The following SAMD12 variants were observed in gnomAD, a reference collection of about 807,000 sequenced individuals.
SAMD12 encodes sterile alpha motif domain containing 12, also known as sterile alpha motif domain-containing protein 12.
A neutral mutation model predicts 15.0 loss-of-function variants in SAMD12; 9 were observed. That is an observed-to-expected ratio of 0.60 (90% confidence interval 0.36 to 1.05). SAMD12 has a LOEUF of 1.05. SAMD12 is among the 50% of genes least tolerant of loss of function. The pLI is 0.01. For missense variants in SAMD12, 230 were observed against 234.2 expected (o/e 0.98, Z 0.12); for synonymous variants, 86 against 90.1 (o/e 0.96, Z 0.25).
intron 3 of SAMD12, among the ~76,000 whole-genome samples, chr8:118,404,611 A>C (rs73311715): frequency 0.073 from 11,070 of 152,206 alleles, 1,332 homozygotes; most frequent in African/African-American, 0.25. Context: ...TGGCATACAA[A>C]CATTAATGCC....
At chr8:118,557,821 G>T (rs1003563575) in intron 2 of SAMD12, among the ~76,000 whole-genome samples, 2 of 152,046 alleles carry the variant, frequency 1.3e-5, no homozygotes. Flanking sequence ...ATTTTAGCAT[G>T]TTCCTGTAAC....
chr8:118,354,409 TTTCC>T (rs1818120998), intron 4 of SAMD12, among the ~76,000 whole-genome samples: 1 of 152,122 alleles, frequency 6.6e-6, no homozygotes, highest in East Asian at 1.9e-4. Flanking sequence ...CCATATACCT[TTTCC>T]TTCCTCCCAG....
chr8:118,209,225 C>A (rs112657201), intron 4 of SAMD12, among the ~76,000 whole-genome samples: 82 of 152,134 alleles, frequency 5.4e-4, no homozygotes, highest in African/African-American at 2.0e-3. Context: ...CCAGACATTC[C>A]AGAAAAGTTT....
intron 2 of SAMD12, among the ~76,000 whole-genome samples, chr8:118,568,615 T>A (rs946303599): frequency 1.1e-4 from 17 of 152,138 alleles, no homozygotes; most frequent in African/African-American, 1.9e-4. Context: ...TTTGAGAATT[T>A]AAAAAAATCA....
intron 4 of SAMD12, among the ~76,000 whole-genome samples, chr8:118,342,286 T>A (rs1184934449): frequency 1.1e-5 from 1 of 92,532 alleles, no homozygotes; most frequent in East Asian, 4.0e-4. Flanking sequence ...AGAGCAAGAC[T>A]TTGTCTCAAA....
At chr8:118,215,059 GA>G (rs1243035923) in intron 4 of SAMD12, among the ~76,000 whole-genome samples, 22 of 152,088 alleles carry the variant, frequency 1.4e-4, no homozygotes, top group East Asian at 3.8e-4. Flanking sequence ...ATATAGACAT[GA>G]AAAAATATAT....
At chr8:118,570,918 C>T (rs1310472490) in intron 2 of SAMD12, among the ~76,000 whole-genome samples, 1 of 152,190 alleles carries the variant, frequency 6.6e-6, no homozygotes, top group Non-Finnish European at 1.5e-5. Flanking sequence ...CCTGCACAAG[C>T]TCTCTTTGCC....
intron 2 of SAMD12, among the ~76,000 whole-genome samples, chr8:118,451,240 T>C (rs542645344): frequency 1.6e-4 from 25 of 152,298 alleles, no homozygotes; most frequent in Admixed American, 8.5e-4. Context: ...GAGAGAACAA[T>C]ATGGATTAGA....
At chr8:118,595,764 T>C (rs1001156376) in intron 1 of SAMD12, among the ~76,000 whole-genome samples, 10 of 152,220 alleles carry the variant, frequency 6.6e-5, no homozygotes, top group African/African-American at 2.2e-4. Flanking sequence ...ATCTCTCCAT[T>C]TGACTATTAA....
chr8:118,491,681 T>C (rs1205243090), intron 2 of SAMD12, among the ~76,000 whole-genome samples: 1 of 152,134 alleles, frequency 6.6e-6, no homozygotes. Flanking sequence ...TTGTATATCA[T>C]ATAAATGGAA....
At chr8:118,441,014 A>C (rs1822743869) in intron 2 of SAMD12, among the ~76,000 whole-genome samples, 1 of 152,090 alleles carries the variant, frequency 6.6e-6, no homozygotes, top group Non-Finnish European at 1.5e-5. Context: ...CCATACGCAT[A>C]ATTTCCTTCC....
chr8:118,513,366 G>A (rs765617817), intron 2 of SAMD12, among the ~76,000 whole-genome samples: 1 of 152,158 alleles, frequency 6.6e-6, no homozygotes, highest in African/African-American at 2.4e-5. Context: ...AAAGTTAGAG[G>A]ATGCAGGAAA....
intron 1 of SAMD12, among the ~76,000 whole-genome samples, chr8:118,615,461 C>T (rs1260977511): frequency 6.6e-6 from 1 of 152,158 alleles, no homozygotes; most frequent in Non-Finnish European, 1.5e-5. Context: ...ACTACACTCC[C>T]CACCACATCT....
At chr8:118,458,950 A>G (rs202084568) in intron 2 of SAMD12, among the ~76,000 whole-genome samples, 35 of 149,376 alleles carry the variant, frequency 2.3e-4, no homozygotes, top group African/African-American at 6.4e-4. Context: ...TCAGCTATAT[A>G]TGTGTGTGTG....
chr8:118,201,967 C>T (rs1010497568), intron 4 of SAMD12, among the ~76,000 whole-genome samples: 2 of 152,198 alleles, frequency 1.3e-5, no homozygotes, highest in African/African-American at 4.8e-5. Flanking sequence ...GCACTGGAGT[C>T]TAGTGGTCAG....
chr8:118,355,321 G>A (rs1818178510), intron 4 of SAMD12, among the ~76,000 whole-genome samples: 1 of 152,230 alleles, frequency 6.6e-6, no homozygotes, highest in Non-Finnish European at 1.5e-5. Flanking sequence ...TCACTCATAA[G>A]TGGGAGCTAA....
intron 2 of SAMD12, among the ~76,000 whole-genome samples, chr8:118,509,386 C>T (rs541484866): frequency 7.2e-5 from 11 of 152,092 alleles, no homozygotes; most frequent in African/African-American, 2.2e-4. Flanking sequence ...GAAACTGGGG[C>T]GGGCCTGACT....
At chr8:118,592,657 CTGT>C (rs1172894388) in intron 1 of SAMD12, among the ~76,000 whole-genome samples, 1 of 152,068 alleles carries the variant, frequency 6.6e-6, no homozygotes, top group Non-Finnish European at 1.5e-5. Flanking sequence ...ACTTCCTTTA[CTGT>C]TATTAATATT....
At chr8:118,394,099 T>C (rs1820430386) in intron 3 of SAMD12, among the ~76,000 whole-genome samples, 1 of 152,166 alleles carries the variant, frequency 6.6e-6, no homozygotes, top group Non-Finnish European at 1.5e-5. Context: ...GAAGAGACAA[T>C]ACAAACACAC....
Sources: gnomAD v4.1 joint callset for allele counts (sites outside exome capture counted in the v4.1 genomes callset) on GRCh38, gnomAD v4.1.1 for gene constraint, MANE v1.5 for transcripts, NCBI Gene and HGNC (gene_info 2026-07-23, HGNC 2026-07-21) for gene names.